DOCK8: variants seen among roughly 807,000 people sequenced by gnomAD.
The protein encoded by DOCK8 is dedicator of cytokinesis protein 8.
Under a neutral mutation model 245.6 loss-of-function variants are expected in DOCK8, and 141 were observed. That is an observed-to-expected ratio of 0.57 (90% CI 0.50 to 0.66). The LOEUF (loss-of-function observed/expected upper bound fraction) is 0.66, where lower values mean the gene tolerates loss of function less well. DOCK8 is among the 30% of genes least tolerant of loss of function. The probability of loss-of-function intolerance (pLI) is 0.00; values close to 1 mark genes in which losing one functional copy is unlikely to be tolerated. For missense variants in DOCK8, 2,965 were observed against 2,603.4 expected, an observed-to-expected ratio of 1.14 and a Z score of -3.02; for synonymous variants, 1,168 against 970.2, an observed-to-expected ratio of 1.20 and a Z score of -3.79.
At chr9:345,009 G>GCA (rs2051808280) in intron 14 of DOCK8, among the ~76,000 whole-genome samples, 2 of 152,094 alleles carry the variant, frequency 1.3e-5, no homozygotes, top group South Asian at 2.1e-4. Flanking sequence ...CTGAGATCCT[G>GCA]CCATTGCACT....
chr9:418,564 A>G (rs1424093360), intron 30 of DOCK8, among the ~76,000 whole-genome samples: 3 of 152,192 alleles, frequency 2.0e-5, no homozygotes, highest in African/African-American at 7.2e-5. Context: ...CACTGTGCCC[A>G]GCCTCTTCTG....
At chr9:395,647 G>C (rs569862476) in intron 24 of DOCK8, among the ~76,000 whole-genome samples, 1 of 151,504 alleles carries the variant, frequency 6.6e-6, no homozygotes, top group Non-Finnish European at 1.5e-5. Flanking sequence ...AGACCTTCTA[G>C]TCTTCCCCAT....
At chr9:417,283 A>AAAAT (rs750954900) in intron 29 of DOCK8, among the ~76,000 whole-genome samples, 26 of 152,328 alleles carry the variant, frequency 1.7e-4, no homozygotes, top group East Asian at 5.8e-4. Context: ...ACTTTGTCTA[A>AAAAT]AAATAAATAA....
chr9:247,110 G>A (rs1277323890), intron 1 of DOCK8, among the ~76,000 whole-genome samples: 1 of 152,186 alleles, frequency 6.6e-6, no homozygotes, highest in African/African-American at 2.4e-5. Context: ...TGACCTGAGT[G>A]TTTTCCTTCT....
chr9:250,553 T>G (rs1419037942), intron 1 of DOCK8, among the ~76,000 whole-genome samples: 1 of 152,200 alleles, frequency 6.6e-6, no homozygotes, highest in African/African-American at 2.4e-5. Context: ...TCTTTAATGC[T>G]TCCCCATGTT....
chr9:279,233 A>C (rs2048475883), intron 2 of DOCK8, among the ~76,000 whole-genome samples: 1 of 152,212 alleles, frequency 6.6e-6, no homozygotes, highest in Non-Finnish European at 1.5e-5. Flanking sequence ...GCAGATTGCC[A>C]GGAAAGTTGA....
At chr9:401,199 A>G (rs1210922531) in intron 26 of DOCK8, among the ~76,000 whole-genome samples, 1 of 151,162 alleles carries the variant, frequency 6.6e-6, no homozygotes, top group East Asian at 1.9e-4. Context: ...CAGTTTTAAA[A>G]TAAGAAGGGG....
chr9:413,712 A>T (rs1461759635), intron 28 of DOCK8, among the ~76,000 whole-genome samples: 1 of 152,224 alleles, frequency 6.6e-6, no homozygotes, highest in Admixed American at 6.5e-5. Context: ...ACCACTTGAT[A>T]CCCACGAAGA....
At chr9:423,036 G>A (rs1012312361) in intron 33 of DOCK8, among the ~76,000 whole-genome samples, 1 of 149,626 alleles carries the variant, frequency 6.7e-6, no homozygotes, top group Non-Finnish European at 1.5e-5. Context: ...TATAGTCAAT[G>A]TATTTTTTAA....
At chr9:264,063 A>G (rs745716969) in intron 1 of DOCK8, among the ~76,000 whole-genome samples, 2 of 152,188 alleles carry the variant, frequency 1.3e-5, no homozygotes, top group Non-Finnish European at 2.9e-5. Context: ...CAGCTTACAC[A>G]GGTTACATCT....
intron 1 of DOCK8, among the ~76,000 whole-genome samples, chr9:239,908 G>T (rs2131407849): frequency 6.6e-6 from 1 of 152,182 alleles, no homozygotes; most frequent in African/African-American, 2.4e-5. Flanking sequence ...CCATTGTAAG[G>T]ATACAGCGTA....
intron 1 of DOCK8, among the ~76,000 whole-genome samples, chr9:228,024 C>T (rs972356714): frequency 6.6e-6 from 1 of 152,012 alleles, no homozygotes; most frequent in African/African-American, 2.4e-5. Context: ...GCAGTTTTAG[C>T]GGAGCTGTGG....
Position 441,359 on chromosome 9 carries a change from G to A in DOCK8, c.5297G>A (p.Arg1766Gln), listed in dbSNP as rs530454954. 84 of 1,614,174 alleles carry A rather than the reference G, an allele frequency of 5.2e-5. 1 individual carries two copies. Among genetic ancestry groups the A allele is most frequent in the South Asian group, 2.9e-4 (26 of 91,082 alleles). ...IPILEAHREF[R>Q]KLTLTHSKLQ... ...ATCCTAGAAGCGCATCGAGAATTCC[G>A]GAAGCTGACACTCACTCACAGCAAG... Residue 1766 changes from arginine to glutamine, a missense_variant, in exon 41 of 48, where the codon CGG becomes CAG. Around this residue, in one of 3 missense-constraint regions of DOCK8, gnomAD observed 2,825 missense variants for 2,453.5 expected, o/e 1.15. Coordinates refer to ENST00000432829, the MANE Select transcript of DOCK8 (RefSeq NM_203447.4).
chr9:401,900 A>G (rs762962139), intron 26 of DOCK8, among the ~76,000 whole-genome samples: 15 of 152,196 alleles, frequency 9.9e-5, no homozygotes, highest in Non-Finnish European at 1.5e-4. Context: ...GAAGTCCCCA[A>G]GCATCCCCAT....
intron 28 of DOCK8, among the ~76,000 whole-genome samples, chr9:411,043 C>G (rs2055700387): frequency 6.6e-6 from 1 of 152,064 alleles, no homozygotes. Flanking sequence ...ATAGAAAATC[C>G]AAATAGACCT....
chr9:360,147 C>A (rs2052652548), intron 14 of DOCK8, among the ~76,000 whole-genome samples: 1 of 151,974 alleles, frequency 6.6e-6, no homozygotes, highest in Admixed American at 6.6e-5. Flanking sequence ...GAAACCCCAT[C>A]TCTACTAAAA....
At chr9:310,830 T>C (rs1478350325) in intron 5 of DOCK8, among the ~76,000 whole-genome samples, 1 of 152,170 alleles carries the variant, frequency 6.6e-6, no homozygotes, top group Admixed American at 6.5e-5. Flanking sequence ...GACAGACAAA[T>C]TCTATGATTG....
intron 1 of DOCK8, among the ~76,000 whole-genome samples, chr9:235,099 T>C (rs1439509431): frequency 1.3e-5 from 2 of 152,186 alleles, no homozygotes; most frequent in African/African-American, 2.4e-5. Flanking sequence ...TTCTGTTTGT[T>C]AGTTTTCCTT....
At chr9:397,011 G>A (rs926057307) in intron 25 of DOCK8, 77 bp downstream of exon 25, 10 of 1,453,860 alleles carry the variant, frequency 6.9e-6, no homozygotes, top group African/African-American at 2.8e-5. Flanking sequence ...AGAAAAATAA[G>A]CATCATTTTA....
Sources: gnomAD v4.1 joint callset for allele counts (sites outside exome capture counted in the v4.1 genomes callset) on GRCh38, gnomAD v4.1.1 for gene constraint, gnomAD v4.1.1 regional missense constraint, MANE v1.5 for transcripts, NCBI Gene and HGNC (gene_info 2026-07-23, HGNC 2026-07-21) for gene names.